The following FBXL7 variants were observed in gnomAD, a reference collection of about 807,000 sequenced individuals.
FBXL7 encodes F-box and leucine rich repeat protein 7, also known as F-box/LRR-repeat protein 7.
In FBXL7, 12 loss-of-function variants were observed where a neutral mutation model predicts 38.3. The ratio of observed to expected loss-of-function variants is 0.31; its 90% CI spans 0.20 to 0.51. The LOEUF is 0.51. FBXL7 is among the 20% of genes least tolerant of loss of function. The probability of loss-of-function intolerance (pLI) is 0.98; values close to 1 mark genes in which losing one functional copy is unlikely to be tolerated. For synonymous variants in FBXL7, 297 were observed against 300.9 expected, an observed-to-expected ratio of 0.99 and a Z score of 0.13; for missense variants, 567 against 676.4, an observed-to-expected ratio of 0.84 and a Z score of 1.79.
intron 2 of FBXL7, among the ~76,000 whole-genome samples, chr5:15,687,713 C>T (rs1743058417): frequency 6.6e-6 from 1 of 152,184 alleles, no homozygotes; most frequent in Non-Finnish European, 1.5e-5. Context: ...TGCTTCTGTT[C>T]CACTTGACAT....
chr5:15,840,845 CAAAAA>C (rs34448584), intron 2 of FBXL7, among the ~76,000 whole-genome samples: 3 of 83,336 alleles, frequency 3.6e-5, no homozygotes, highest in African/African-American at 9.0e-5. Context: ...GACTCTGTCT[CAAAAA>C]AAAAAAAAAA....
chr5:15,701,940 T>A (rs1440858784), intron 2 of FBXL7, among the ~76,000 whole-genome samples: 1 of 152,130 alleles, frequency 6.6e-6, no homozygotes, highest in Non-Finnish European at 1.5e-5. Flanking sequence ...GCTAAGTGAA[T>A]GAAGAAACAT....
chr5:15,675,774 G>A (rs17601883), intron 2 of FBXL7, among the ~76,000 whole-genome samples: 14,545 of 152,264 alleles, frequency 0.096, 805 homozygotes, highest in South Asian at 0.15. Context: ...GCTTTTAATA[G>A]GACCATTCAT....
At position 15,807,798 on chromosome 5, in the gene FBXL7, C is replaced by A. The variant is rs566384300; in HGVS notation, c.128-120092C>A. Among the ~76,000 whole-genome samples the A allele has an allele frequency of 2.6e-3, 393 of 152,100 alleles. 1 individual carries two copies. Among genetic ancestry groups the A allele is most frequent in the African/African-American group, 8.8e-3 (364 of 41,522 alleles). On this transcript the variant is annotated intron_variant, in intron 2 of 3. Coordinates refer to ENST00000504595, the MANE Select transcript of FBXL7 (RefSeq NM_012304.5). ...TTCTAATCGCAAATTACACAGATTT[C>A]TAGCAGCAGGGCACCCCCAGAAGCA...
At chr5:15,507,383 G>T (rs948120001) in intron 1 of FBXL7, among the ~76,000 whole-genome samples, 7 of 152,156 alleles carry the variant, frequency 4.6e-5, no homozygotes, top group African/African-American at 1.7e-4. Flanking sequence ...AAACAAAACA[G>T]AAAATAGAGG....
At chr5:15,787,978 C>T (rs976205177) in intron 2 of FBXL7, among the ~76,000 whole-genome samples, 10 of 152,134 alleles carry the variant, frequency 6.6e-5, no homozygotes, top group African/African-American at 2.4e-4. Flanking sequence ...GTGCTGTGCT[C>T]CCTTTGAATG....
chr5:15,529,816 T>G (rs902996028), intron 1 of FBXL7, among the ~76,000 whole-genome samples: 3 of 152,238 alleles, frequency 2.0e-5, no homozygotes, highest in South Asian at 2.1e-4. Flanking sequence ...TGTTGAAGTA[T>G]CCCTTCCACA....
intron 2 of FBXL7, among the ~76,000 whole-genome samples, chr5:15,711,749 G>C (rs997024329): frequency 6.6e-6 from 1 of 152,090 alleles, no homozygotes; most frequent in Non-Finnish European, 1.5e-5. Context: ...TTGAAATCCT[G>C]AAAGTGTAAA....
At chr5:15,624,874 T>G (rs1488962519) in intron 2 of FBXL7, among the ~76,000 whole-genome samples, 2 of 151,976 alleles carry the variant, frequency 1.3e-5, no homozygotes, top group African/African-American at 4.8e-5. Context: ...TGTTTGTTTT[T>G]TTTTTTTTTT....
At chr5:15,917,693 G>GGAAGGAAGGAAC in intron 2 of FBXL7, among the ~76,000 whole-genome samples, 1 of 148,458 alleles carries the variant, frequency 6.7e-6, no homozygotes, top group Non-Finnish European at 1.5e-5. Flanking sequence ...AAGGAAGGAA[G>GGAAGGAAGGAAC]GAAGAAAGAA....
At chr5:15,771,062 G>A (rs1237762719) in intron 2 of FBXL7, among the ~76,000 whole-genome samples, 1 of 152,150 alleles carries the variant, frequency 6.6e-6, no homozygotes, top group Non-Finnish European at 1.5e-5. Context: ...GTTAGAACTA[G>A]CTTTCTTCCC....
intron 2 of FBXL7, among the ~76,000 whole-genome samples, chr5:15,632,208 C>T (rs562360194): frequency 3.4e-4 from 51 of 152,194 alleles, no homozygotes; most frequent in South Asian, 2.9e-3. Flanking sequence ...GTTTCTCAAA[C>T]GTCCTTTATT....
At chr5:15,653,015 C>G (rs1269927770) in intron 2 of FBXL7, among the ~76,000 whole-genome samples, 1 of 151,860 alleles carries the variant, frequency 6.6e-6, no homozygotes, top group Non-Finnish European at 1.5e-5. Flanking sequence ...TACTATGTAC[C>G]CACAAAAATT....
intron 2 of FBXL7, among the ~76,000 whole-genome samples, chr5:15,618,357 A>G (rs1740518303): frequency 6.6e-6 from 1 of 152,238 alleles, no homozygotes; most frequent in African/African-American, 2.4e-5. Flanking sequence ...CATAACTGAA[A>G]AAATTAAAAA....
chr5:15,575,594 G>A (rs573725961), intron 1 of FBXL7, among the ~76,000 whole-genome samples: 2 of 152,182 alleles, frequency 1.3e-5, no homozygotes, highest in East Asian at 3.8e-4. Flanking sequence ...GTGATAATAA[G>A]TGAGTGTTCC....
At chr5:15,710,382 A>G (rs1743824239) in intron 2 of FBXL7, among the ~76,000 whole-genome samples, 1 of 152,014 alleles carries the variant, frequency 6.6e-6, no homozygotes, top group Non-Finnish European at 1.5e-5. Context: ...TTGCTGCTCC[A>G]TCTGTGTGGA....
intron 2 of FBXL7, among the ~76,000 whole-genome samples, chr5:15,774,076 G>A (rs1736798685): frequency 6.6e-6 from 1 of 151,780 alleles, no homozygotes; most frequent in South Asian, 2.1e-4. Flanking sequence ...AGATCTGGAG[G>A]TCAGAAGTCT....
intron 2 of FBXL7, among the ~76,000 whole-genome samples, chr5:15,839,762 C>T (rs1738693219): frequency 1.3e-5 from 2 of 151,790 alleles, no homozygotes; most frequent in Admixed American, 1.3e-4. Context: ...TTCTTTTTCT[C>T]CTCTTCCTCT....
At chr5:15,867,517 T>C (rs1455516222) in intron 2 of FBXL7, among the ~76,000 whole-genome samples, 3 of 152,236 alleles carry the variant, frequency 2.0e-5, no homozygotes, top group Non-Finnish European at 1.5e-5. Flanking sequence ...AATTCTGATA[T>C]TGTTTTCCCA....
Sources: gnomAD v4.1 joint callset for allele counts (sites outside exome capture counted in the v4.1 genomes callset) on GRCh38, gnomAD v4.1.1 for gene constraint, MANE v1.5 for transcripts, NCBI Gene and HGNC (gene_info 2026-07-23, HGNC 2026-07-21) for gene names.